Variants in TMEM182 observed in about 807,000 individuals in gnomAD.
TMEM182 encodes transmembrane protein 182.
TMEM182 carries 20 observed loss-of-function variants against 26.8 expected under a neutral mutation model. The observed-to-expected ratio is 0.75, with a 90% CI of 0.53 to 1.09. The LOEUF (loss-of-function observed/expected upper bound fraction) is 1.09. Ranked by LOEUF, TMEM182 falls within the 50% of genes least tolerant of loss-of-function variation. The pLI is 0.00. For synonymous variants in TMEM182, 109 were observed against 102.2 expected (o/e 1.07, Z -0.40); for missense variants, 277 against 275.5 (o/e 1.01, Z -0.04).
chr2:102,738,186 C>T (rs936299199), intron 1 of TMEM182, among the ~76,000 whole-genome samples: 1 of 152,152 alleles, frequency 6.6e-6, no homozygotes, highest in South Asian at 2.1e-4. Flanking sequence ...CTCATGTTAA[C>T]CCATTAAAAC....
chr2:102,750,166 G>C (rs961295567), intron 1 of TMEM182, among the ~76,000 whole-genome samples: 1 of 151,806 alleles, frequency 6.6e-6, no homozygotes, highest in Non-Finnish European at 1.5e-5. Flanking sequence ...TCCATTTTCT[G>C]GTTTGAACTC....
chr2:102,824,414 A>T (rs988688149), intron 3 of TMEM182, among the ~76,000 whole-genome samples: 8 of 152,266 alleles, frequency 5.3e-5, no homozygotes, highest in Non-Finnish European at 1.2e-4. Flanking sequence ...TGTTTGGACC[A>T]TGGGAGTGGA....
At chr2:102,742,032 CAAAG>C (rs1679558776) in intron 1 of TMEM182, among the ~76,000 whole-genome samples, 1 of 152,086 alleles carries the variant, frequency 6.6e-6, no homozygotes, top group Non-Finnish European at 1.5e-5. Flanking sequence ...TCTGAAGAGA[CAAAG>C]CAAGCGTTAG....
chr2:102,799,982 G>A (rs950835074), intron 4 of TMEM182, among the ~76,000 whole-genome samples: 20 of 151,982 alleles, frequency 1.3e-4, no homozygotes, highest in African/African-American at 4.6e-4. Flanking sequence ...GCTTCATTTT[G>A]GAGTTTTGTT....
At chr2:102,842,661 G>T (rs1231459330) in intron 3 of TMEM182, among the ~76,000 whole-genome samples, 1 of 152,162 alleles carries the variant, frequency 6.6e-6, no homozygotes, top group Non-Finnish European at 1.5e-5. Context: ...CTGACAGAAA[G>T]CTCCTCTTAA....
At chr2:102,820,157 G>A (rs1000612611), downstream of TMEM182, among the ~76,000 whole-genome samples, 4 of 152,156 alleles carry the variant, frequency 2.6e-5, no homozygotes, top group African/African-American at 9.7e-5. Context: ...TCCCCTGAAG[G>A]GAGGTTCCTA....
chr2:102,819,693 C>G (rs887144812), downstream of TMEM182, among the ~76,000 whole-genome samples: 1 of 152,064 alleles, frequency 6.6e-6, no homozygotes, highest in East Asian at 1.9e-4. Context: ...TACATGAACG[C>G]GTAGAAGAAA....
chr2:102,741,706 TA>T (rs1305694652), intron 1 of TMEM182, among the ~76,000 whole-genome samples: 1 of 152,170 alleles, frequency 6.6e-6, no homozygotes, highest in African/African-American at 2.4e-5. Flanking sequence ...CCCAACACCT[TA>T]CAAAAATATT....
intron 3 of TMEM182, among the ~76,000 whole-genome samples, chr2:102,780,490 G>A (rs1385138273): frequency 6.6e-6 from 1 of 152,126 alleles, no homozygotes; most frequent in East Asian, 1.9e-4. Flanking sequence ...GGTGGTGGGA[G>A]GGCATTATGC....
intron 3 of TMEM182, among the ~76,000 whole-genome samples, chr2:102,837,897 C>G (rs759870165): frequency 6.6e-6 from 1 of 152,148 alleles, no homozygotes; most frequent in Non-Finnish European, 1.5e-5. Context: ...GGGCTAGCTA[C>G]GTCATTCATG....
intron 4 of TMEM182, among the ~76,000 whole-genome samples, chr2:102,806,218 C>A (rs755391288): frequency 1.3e-5 from 2 of 151,534 alleles, no homozygotes; most frequent in Non-Finnish European, 2.9e-5. Context: ...TTTACATTTT[C>A]GTGTATGGAA....
At chr2:102,764,742 C>T (rs922354711) in intron 3 of TMEM182, among the ~76,000 whole-genome samples, 16 of 151,916 alleles carry the variant, frequency 1.1e-4, no homozygotes, top group Admixed American at 2.6e-4. Flanking sequence ...AGACCTAAAA[C>T]GAGTCCTACA....
chr2:102,740,541 C>T (rs774475193), intron 1 of TMEM182, among the ~76,000 whole-genome samples: 1 of 152,090 alleles, frequency 6.6e-6, no homozygotes, highest in African/African-American at 2.4e-5. Flanking sequence ...TAAAAATTAC[C>T]CAGTCTTGGG....
chr2:102,764,680 C>T (rs904937041), intron 3 of TMEM182, among the ~76,000 whole-genome samples: 1 of 151,934 alleles, frequency 6.6e-6, no homozygotes, highest in Non-Finnish European at 1.5e-5. Flanking sequence ...TGTGTTTTCC[C>T]ATATGAAGAT....
intron 3 of TMEM182, among the ~76,000 whole-genome samples, chr2:102,827,947 C>T (rs999844378): frequency 1.3e-5 from 2 of 151,976 alleles, no homozygotes; most frequent in African/African-American, 2.4e-5. Context: ...AAGAATTTGC[C>T]GGGTGTGATT....
intron 3 of TMEM182, among the ~76,000 whole-genome samples, chr2:102,828,145 A>T (rs998252140): frequency 6.6e-6 from 1 of 152,178 alleles, no homozygotes; most frequent in African/African-American, 2.4e-5. Context: ...GTGTAGACCA[A>T]TAAAAATGTT....
intron 3 of TMEM182, among the ~76,000 whole-genome samples, chr2:102,793,928 C>T (rs1434316287): frequency 6.6e-6 from 1 of 152,072 alleles, no homozygotes; most frequent in East Asian, 1.9e-4. Context: ...AAAGCCACCA[C>T]ACATGGTGGC....
At chr2:102,812,425 A>ACACG (rs1553443858) in intron 4 of TMEM182, among the ~76,000 whole-genome samples, 1,505 of 137,068 alleles carry the variant, frequency 0.011, 29 homozygotes, top group African/African-American at 0.037. Flanking sequence ...ACACACACAC[A>ACACG]CACACTGGTT....
intron 4 of TMEM182, among the ~76,000 whole-genome samples, 169 bp from the exon 5 acceptor site, chr2:102,814,579 A>T (rs1682672275): frequency 6.6e-6 from 1 of 152,206 alleles, no homozygotes; most frequent in African/African-American, 2.4e-5. Context: ...AAGATGAAAG[A>T]TAAAAGAAAT....
Sources: allele counts gnomAD v4.1 joint callset (sites outside exome capture counted in the v4.1 genomes callset), GRCh38; gene constraint gnomAD v4.1.1; transcripts MANE v1.5; gene names NCBI Gene and HGNC (gene_info 2026-07-23, HGNC 2026-07-21).